NR1I2: variants seen among roughly 807,000 people sequenced by gnomAD.
NR1I2 encodes orphan nuclear receptor PAR1.
NR1I2 carries 42 observed loss-of-function variants against 43.3 expected under a neutral mutation model. The observed-to-expected ratio is 0.97, with a 90% CI of 0.76 to 1.26. The LOEUF is 1.26. Ranked by LOEUF, NR1I2 falls within the 50% of genes most tolerant of loss-of-function variation. The pLI, the probability that NR1I2 is intolerant of heterozygous loss-of-function variation, is 0.00. For synonymous variants in NR1I2, 229 were observed against 215.0 expected (o/e 1.06, Z -0.57); for missense variants, 559 against 566.7 (o/e 0.99, Z 0.14).
At chr3:119,811,418 C>A in intron 3 of NR1I2, 121 bp from the exon 4 acceptor site, 1 of 943,918 alleles carries the variant, frequency 1.1e-6, no homozygotes, top group Non-Finnish European at 1.6e-6. Flanking sequence ...TGCTTGTCAC[C>A]ATTACTTTCT....
chr3:119,782,860 T>C, intron 1 of NR1I2: 1 of 1,610,814 alleles, frequency 6.2e-7, no homozygotes, highest in Non-Finnish European at 8.5e-7. Flanking sequence ...CCAGTGAGTT[T>C]TCTACCTCTA....
chr3:119,798,511 T>C (rs1465616613), intron 1 of NR1I2, among the ~76,000 whole-genome samples: 2 of 151,952 alleles, frequency 1.3e-5, no homozygotes, highest in East Asian at 1.9e-4. Context: ...TCCAGGACAT[T>C]TCTATGCTCC....
At chr3:119,782,934 G>C (rs2054796021) in intron 1 of NR1I2, 1 of 1,087,746 alleles carries the variant, frequency 9.2e-7, no homozygotes, top group Non-Finnish European at 1.4e-6. Flanking sequence ...GTGCCACCAG[G>C]TCCTTCTTCT....
At chr3:119,811,379 A>T (rs2055238932) in intron 3 of NR1I2, 160 bp from the exon 4 acceptor site, 2 of 671,892 alleles carry the variant, frequency 3.0e-6, no homozygotes, top group Non-Finnish European at 5.0e-6. Flanking sequence ...AAGAGCCCAC[A>T]GGCCTCTTGA....
At chr3:119,787,618 C>G (rs529145877) in intron 1 of NR1I2, among the ~76,000 whole-genome samples, 2 of 149,534 alleles carry the variant, frequency 1.3e-5, no homozygotes, top group East Asian at 3.9e-4. Flanking sequence ...CCCTTACTTG[C>G]TTTTTTCTCT....
intron 4 of NR1I2, among the ~76,000 whole-genome samples, chr3:119,812,163 T>C (rs1455622313): frequency 6.6e-6 from 1 of 152,154 alleles, no homozygotes; most frequent in Non-Finnish European, 1.5e-5. Context: ...TCAGGACCTG[T>C]TGGGGGTGTG....
intron 5 of NR1I2, among the ~76,000 whole-genome samples, chr3:119,814,647 G>A (rs1464788960): frequency 1.3e-5 from 2 of 152,212 alleles, no homozygotes; most frequent in African/African-American, 4.8e-5. Flanking sequence ...GGAGGCCAGG[G>A]ACCAGAAGCC....
intron 1 of NR1I2, among the ~76,000 whole-genome samples, chr3:119,788,604 A>G (rs1349763554): frequency 6.6e-6 from 1 of 151,178 alleles, no homozygotes; most frequent in Admixed American, 6.6e-5. Flanking sequence ...CACTTGGCTA[A>G]TTTTTTATTT....
chr3:119,811,902 C>A (rs1453415103), intron 4 of NR1I2, among the ~76,000 whole-genome samples, 176 bp downstream of exon 4: 2 of 152,172 alleles, frequency 1.3e-5, no homozygotes, highest in African/African-American at 4.8e-5. Flanking sequence ...TAGTCTCATT[C>A]CCAAAGGTTC....
At chr3:119,798,115 C>T (rs1391604290) in intron 1 of NR1I2, among the ~76,000 whole-genome samples, 1 of 152,084 alleles carries the variant, frequency 6.6e-6, no homozygotes, top group African/African-American at 2.4e-5. Context: ...GTGTGCTTTC[C>T]CAGATTGCTT....
intron 1 of NR1I2, among the ~76,000 whole-genome samples, chr3:119,798,495 T>C (rs926196508): frequency 3.9e-5 from 6 of 152,034 alleles, no homozygotes; most frequent in Non-Finnish European, 8.8e-5. Flanking sequence ...ATCATCAAAA[T>C]CTAATTCCAG....
intron 1 of NR1I2, among the ~76,000 whole-genome samples, chr3:119,789,271 A>G (rs2054885409): frequency 6.6e-6 from 1 of 152,144 alleles, no homozygotes. Flanking sequence ...GCTTTTAACT[A>G]CTGTATTAGT....
chr3:119,798,573 G>A (rs1222420106), intron 1 of NR1I2, among the ~76,000 whole-genome samples: 1 of 149,200 alleles, frequency 6.7e-6, no homozygotes, highest in Non-Finnish European at 1.5e-5. Context: ...CCGGGGGGCG[G>A]AGCTTGCAGT....
At position 119,803,364 on chromosome 3, in the gene NR1I2, A is replaced by C. The variant is rs61453100; in HGVS notation, c.-22-3865A>C. 4.3e-4 allele frequency among the ~76,000 whole-genome samples: 49 copies of C among 113,328 alleles called. No individual in the cohort carries two copies. The East Asian group carries it at 7.2e-3, about 17-fold the overall frequency. 74.3% of individuals were successfully genotyped at this position (113,328 alleles called of 152,430 possible). A position where few individuals can be genotyped will look rare whatever the true frequency, so the allele number is the denominator to read the frequency against. ...TCTGTCTCAAAAGAGAGAGAGAGAG[A>C]GAGAGAGAGATAGAGAGGTCCCAGA... On this transcript the variant is annotated intron_variant, in intron 1 of 8. Coordinates refer to ENST00000393716, the MANE Select transcript of NR1I2 (RefSeq NM_003889.4).
Position 119,807,234 on chromosome 3 carries a change from G to A in NR1I2, c.-17G>A. The A allele has an allele frequency of 6.2e-7, 1 of 1,613,778 alleles. No individual in the cohort carries two copies. Among genetic ancestry groups the A allele is most frequent in the Non-Finnish European group, 8.5e-7 (1 of 1,179,712 alleles). On this transcript the variant is annotated 5_prime_UTR_variant, in exon 2 of 9. Coordinates refer to ENST00000393716, the MANE Select transcript of NR1I2 (RefSeq NM_003889.4). ...TGTGGTTTTCTCATTTCTAGTCCAA[G>A]AGGCCCAGAAGCAAACCTGGAGGTG...
chr3:119,792,535 C>A, intron 1 of NR1I2: 1 of 988,644 alleles, frequency 1.0e-6, no homozygotes, highest in South Asian at 1.4e-5. Context: ...AGTCCGTGCT[C>A]CTCCAGCTGC....
At chr3:119,804,975 C>A (rs1426060719) in intron 1 of NR1I2, among the ~76,000 whole-genome samples, 3 of 152,096 alleles carry the variant, frequency 2.0e-5, no homozygotes, top group South Asian at 2.1e-4. Flanking sequence ...TTCCCTTCAA[C>A]AATACAGAAC....
At position 119,818,148 on chromosome 3, in the gene NR1I2, G is replaced by C. The variant is rs2055355576; in HGVS notation, c.*936G>C. ...AGTGCGTGTGTGTGATTTGGTGTAGGTAGGTCTGTTTGCCACTTGATGGGG... is the reference window on the plus strand; with the variant it reads ...AGTGCGTGTGTGTGATTTGGTGTAGCTAGGTCTGTTTGCCACTTGATGGGG... On this transcript the variant is annotated 3_prime_UTR_variant, in exon 9 of 9. Transcript: ENST00000393716. The C allele has an allele frequency of 1.0e-6, 1 of 985,616 alleles. No homozygotes were observed. The allele number at this position is 985,616 out of a possible 1,614,324, so 61.1% of individuals were successfully genotyped here.
Position 119,818,258 on chromosome 3 carries a change from A to G in NR1I2, c.*1046A>G. 3.0e-6 allele frequency: 3 copies of G among 985,600 alleles called. No homozygotes were observed. The highest frequency in any genetic ancestry group is 3.6e-6 in the Non-Finnish European group (3 of 829,942). 61.1% of individuals were successfully genotyped at this position (985,600 alleles called of 1,614,324 possible). A position where few individuals can be genotyped will look rare whatever the true frequency, so the allele number is the denominator to read the frequency against. On this transcript the variant is annotated 3_prime_UTR_variant, in exon 9 of 9. Coordinates refer to ENST00000393716, the MANE Select transcript of NR1I2 (RefSeq NM_003889.4). ...AATCAGTTAAACACACCGGAGAAGA[A>G]CCATTTACATGCACCTTATATTTCT...
Sources: gnomAD v4.1 joint callset for allele counts (sites outside exome capture counted in the v4.1 genomes callset) on GRCh38, gnomAD v4.1.1 for gene constraint, MANE v1.5 for transcripts, NCBI Gene and HGNC (gene_info 2026-07-23, HGNC 2026-07-21) for gene names.